LRRC49: variants seen among roughly 807,000 people sequenced by gnomAD.
The protein encoded by LRRC49 is leucine rich repeat containing 49.
In LRRC49, 50 loss-of-function variants were observed where a neutral mutation model predicts 83.3. That is an observed-to-expected ratio of 0.60 (90% CI 0.48 to 0.76). The LOEUF (loss-of-function observed/expected upper bound fraction) is 0.76. LRRC49 is among the 30% of genes least tolerant of loss of function. LRRC49 has a pLI of 0.00. For synonymous variants in LRRC49, 286 were observed against 283.3 expected (o/e 1.01, Z -0.10); for missense variants, 704 against 809.1 (o/e 0.87, Z 1.58).
At chr15:70,877,020 G>T (rs1238984780) in intron 2 of LRRC49, among the ~76,000 whole-genome samples, 1 of 152,012 alleles carries the variant, frequency 6.6e-6, no homozygotes, top group African/African-American at 2.4e-5. Flanking sequence ...CTCATCCTTT[G>T]CTTTTTATGC....
intron 14 of LRRC49, among the ~76,000 whole-genome samples, chr15:71,025,053 A>T (rs1013708413): frequency 6.6e-6 from 1 of 152,226 alleles, no homozygotes; most frequent in Non-Finnish European, 1.5e-5. Context: ...TTATGTAAAA[A>T]GACAAAACCT....
At position 71,039,410 on chromosome 15, in the gene LRRC49, A is replaced by G. The variant is rs77207100; in HGVS notation, c.1857+2078A>G. Reference sequence around the variant, plus strand: ...TGGTTCTATGAGTGAAAAAATTAATATGTATATAGTTGTGTTTGGTTTCTA... The same window carrying G: ...TGGTTCTATGAGTGAAAAAATTAATGTGTATATAGTTGTGTTTGGTTTCTA... On this transcript the variant is annotated intron_variant, in intron 15 of 15. Transcript: ENST00000260382. Among the ~76,000 whole-genome samples, 1,128 of 152,284 alleles carry G rather than the reference A, an allele frequency of 7.4e-3. 13 individuals are homozygous for G. The highest frequency in any genetic ancestry group is 0.026 in the African/African-American group (1,078 of 41,562).
chr15:70,856,552 C>T (rs1158721341), intron 1 of LRRC49, among the ~76,000 whole-genome samples: 2 of 152,178 alleles, frequency 1.3e-5, no homozygotes, highest in African/African-American at 4.8e-5. Context: ...CTTGGAATAT[C>T]TGTGAAATCA....
chr15:70,918,795 T>C (rs942561178), intron 6 of LRRC49: 5 of 321,656 alleles, frequency 1.6e-5, no homozygotes, highest in Non-Finnish European at 2.8e-5. Context: ...AATGGACTCA[T>C]TGACTATTTG....
chr15:71,040,097 G>A (rs1009034575), intron 15 of LRRC49, among the ~76,000 whole-genome samples: 5 of 152,128 alleles, frequency 3.3e-5, no homozygotes, highest in Non-Finnish European at 5.9e-5. Context: ...ATCCTAGAAA[G>A]GCAGGGAAGA....
At chr15:70,997,512 A>T (rs2038113331) in intron 11 of LRRC49, among the ~76,000 whole-genome samples, 1 of 152,112 alleles carries the variant, frequency 6.6e-6, no homozygotes, top group Admixed American at 6.5e-5. Flanking sequence ...GCACTTTGGG[A>T]GGCTGAGGCG....
At chr15:71,010,760 G>A (rs1406370670) in intron 13 of LRRC49, among the ~76,000 whole-genome samples, 1 of 151,874 alleles carries the variant, frequency 6.6e-6, no homozygotes, top group African/African-American at 2.4e-5. Context: ...TGGAAGGAAA[G>A]AGAGAAGCTA....
chr15:70,953,308 C>T (rs945852398), intron 8 of LRRC49, among the ~76,000 whole-genome samples: 10 of 152,232 alleles, frequency 6.6e-5, no homozygotes, highest in Middle Eastern at 3.4e-3. Flanking sequence ...TTTAGAAGCT[C>T]TTGTAAGGCA....
chr15:70,956,818 TTTA>T (rs2036417578), intron 8 of LRRC49, among the ~76,000 whole-genome samples: 1 of 152,186 alleles, frequency 6.6e-6, no homozygotes, highest in Admixed American at 6.5e-5. Context: ...CAAATACAGA[TTTA>T]TTTTTACTTT....
In LRRC49 at chr15:70,929,821, G is replaced by A. The variant is rs117162405; in HGVS notation, c.712-6940G>A. On this transcript the variant is annotated intron_variant, in intron 7 of 15. Coordinates refer to ENST00000260382, the MANE Select transcript of LRRC49 (RefSeq NM_017691.5). The stretch of plus-strand genomic sequence containing the variant: ...AAGAAACTATTTTCTTTCCTCATCC[G>A]TAAGAAGTGACTCCTCATCTATTCA... Among the ~76,000 whole-genome samples, 678 of 152,212 alleles carry A rather than the reference G, an allele frequency of 4.5e-3. 3 individuals are homozygous for A. The highest frequency in any genetic ancestry group is 6.7e-3 in the Non-Finnish European group (459 of 68,018).
chr15:70,937,768 T>C (rs2035652283), intron 8 of LRRC49, among the ~76,000 whole-genome samples: 1 of 152,172 alleles, frequency 6.6e-6, no homozygotes, highest in South Asian at 2.1e-4. Context: ...GCTTTGCAAA[T>C]AGACATTATT....
intron 2 of LRRC49, chr15:70,881,306 CTA>C (rs1454811178): frequency 6.6e-6 from 1 of 152,096 alleles, no homozygotes; most frequent in Non-Finnish European, 1.5e-5. Flanking sequence ...AATAATAATG[CTA>C]TGTTTTTACA....
Position 70,882,904 on chromosome 15 carries a change from G to A in LRRC49, c.18+9681G>A, listed in dbSNP as rs372754529. On this transcript the variant is annotated intron_variant, in intron 2 of 16. Transcript: ENST00000544974. The stretch of plus-strand genomic sequence containing the variant: ...GGTTTGCACAAGTTCATTTTCACAC[G>A]TAATCTAAAAATACAAATCAGAGGA... 45 of 1,613,558 alleles carry A rather than the reference G, an allele frequency of 2.8e-5. No homozygotes were observed. In the African/African-American group the frequency reaches 2.8e-4, roughly 10 times the overall value.
intron 15 of LRRC49, among the ~76,000 whole-genome samples, chr15:71,044,705 G>C (rs1197907504): frequency 6.6e-6 from 1 of 151,928 alleles, no homozygotes; most frequent in Admixed American, 6.6e-5. Flanking sequence ...AGGGTCGTTT[G>C]AGCCTGGGAG....
intron 14 of LRRC49, among the ~76,000 whole-genome samples, chr15:71,025,862 C>G (rs191832059): frequency 1.0e-3 from 153 of 152,198 alleles, no homozygotes; most frequent in Admixed American, 8.5e-3. Context: ...CAGGAGCACC[C>G]AGATTCATGA....
chr15:71,051,416 C>T lies in LRRC49; in HGVS notation c.*1804C>T, dbSNP rs1022876085. 6.6e-6 allele frequency: 1 copy of T among 152,234 alleles called. No individual in the cohort carries two copies. The allele number at this position is 152,234 out of a possible 1,614,324, so 9.4% of individuals were successfully genotyped here. A position where few individuals can be genotyped will look rare whatever the true frequency, so the allele number is the denominator to read the frequency against. On this transcript the variant is annotated 3_prime_UTR_variant, in exon 16 of 16. Transcript: ENST00000260382. The stretch of plus-strand genomic sequence containing the variant: ...ATCCTTTAGCCTCTCCAAACTGAAA[C>T]ATATGGACCATTTCTCATCTGGCTA...
upstream of LRRC49, chr15:70,891,852 C>T (rs750021722): frequency 6.3e-7 from 1 of 1,591,932 alleles, no homozygotes; most frequent in Non-Finnish European, 8.5e-7. Flanking sequence ...ACCTGTGAAG[C>T]TGCAGCCTGC....
At chr15:71,026,950 T>C (rs1321039641) in intron 14 of LRRC49, among the ~76,000 whole-genome samples, 1 of 152,124 alleles carries the variant, frequency 6.6e-6, no homozygotes, top group East Asian at 1.9e-4. Flanking sequence ...AGTTTGATTA[T>C]ATCCCATTTG....
At chr15:70,878,675 T>C (rs2033201885) in intron 2 of LRRC49, among the ~76,000 whole-genome samples, 1 of 152,240 alleles carries the variant, frequency 6.6e-6, no homozygotes, top group Non-Finnish European at 1.5e-5. Context: ...ATGTTGACTT[T>C]TGTCAAATGT....
Sources: allele counts gnomAD v4.1 joint callset (sites outside exome capture counted in the v4.1 genomes callset), GRCh38; gene constraint gnomAD v4.1.1; transcripts MANE v1.5; gene names NCBI Gene and HGNC (gene_info 2026-07-23, HGNC 2026-07-21).